GABRB2: variants seen among roughly 807,000 people sequenced by gnomAD.
GABRB2 encodes gamma-aminobutyric acid type A receptor subunit beta2, also known as gamma-aminobutyric acid receptor subunit beta-2.
A neutral mutation model predicts 54.7 loss-of-function variants in GABRB2; 16 were observed. That is an observed-to-expected ratio of 0.29 (90% CI 0.20 to 0.44). GABRB2 has a LOEUF of 0.44. GABRB2 is among the 20% of genes least tolerant of loss of function. The pLI is 1.00. For missense variants in GABRB2, 355 were observed against 644.0 expected, an observed-to-expected ratio of 0.55 and a Z score of 4.86; for synonymous variants, 244 against 233.8, an observed-to-expected ratio of 1.04 and a Z score of -0.40.
intron 5 of GABRB2, among the ~76,000 whole-genome samples, chr5:161,382,411 A>T (rs1488999919): frequency 6.6e-6 from 1 of 152,178 alleles, no homozygotes; most frequent in African/African-American, 2.4e-5. Context: ...TTATCCTCAG[A>T]TGCTTTCACG....
At chr5:161,375,263 T>C (rs569657677) in intron 5 of GABRB2, among the ~76,000 whole-genome samples, 2 of 152,272 alleles carry the variant, frequency 1.3e-5, no homozygotes, top group East Asian at 3.9e-4. Flanking sequence ...TTACAAAGAA[T>C]TGGCCAGGGG....
chr5:161,463,570 T>TATAG (rs1758189312), intron 3 of GABRB2, among the ~76,000 whole-genome samples: 1 of 101,490 alleles, frequency 9.9e-6, no homozygotes, highest in Non-Finnish European at 2.2e-5. Flanking sequence ...TATATATATA[T>TATAG]ATATATATAT....
intron 3 of GABRB2, among the ~76,000 whole-genome samples, chr5:161,486,429 GC>G (rs1315758173): frequency 1.3e-5 from 2 of 151,892 alleles, no homozygotes; most frequent in African/African-American, 4.8e-5. Flanking sequence ...CCTGGAAAAT[GC>G]GCACTGTAAG....
intron 9 of GABRB2, among the ~76,000 whole-genome samples, chr5:161,303,200 T>A (rs900392031): frequency 4.6e-5 from 7 of 152,172 alleles, no homozygotes; most frequent in Non-Finnish European, 7.4e-5. Context: ...TGTAAAACAA[T>A]AATTTAAACT....
At chr5:161,506,050 G>A (rs898904522) in intron 3 of GABRB2, among the ~76,000 whole-genome samples, 1 of 151,686 alleles carries the variant, frequency 6.6e-6, no homozygotes, top group Admixed American at 6.6e-5. Flanking sequence ...ATATATATAT[G>A]TATATATAAC....
chr5:161,345,710 C>T (rs1424065225), intron 5 of GABRB2, among the ~76,000 whole-genome samples: 1 of 152,088 alleles, frequency 6.6e-6, no homozygotes, highest in East Asian at 1.9e-4. Flanking sequence ...TTCCACAGCA[C>T]TCTAGTTGAA....
chr5:161,411,108 G>C, intron 4 of GABRB2, 51 bp from the exon 5 acceptor site: 1 of 1,391,130 alleles, frequency 7.2e-7, no homozygotes, highest in Non-Finnish European at 1.0e-6. Context: ...TAAGGCTGGA[G>C]CTGGAAATTT....
intron 5 of GABRB2, among the ~76,000 whole-genome samples, chr5:161,398,064 G>A (rs1756060379): frequency 6.6e-6 from 1 of 152,168 alleles, no homozygotes; most frequent in Admixed American, 6.5e-5. Flanking sequence ...GATAGACAGA[G>A]ACAGATAAAT....
chr5:161,326,907 T>G, intron 8 of GABRB2: 3 of 740,276 alleles, frequency 4.1e-6, no homozygotes, highest in Non-Finnish European at 4.9e-6. Context: ...TTCTCAAATA[T>G]GCGTGTTCTT....
intron 9 of GABRB2, among the ~76,000 whole-genome samples, chr5:161,301,401 A>T (rs933505875): frequency 6.6e-6 from 1 of 151,318 alleles, no homozygotes; most frequent in Non-Finnish European, 1.5e-5. Context: ...CACAAGAGAA[A>T]CCACTAAACT....
intron 4 of GABRB2, among the ~76,000 whole-genome samples, chr5:161,428,121 G>A (rs1757058746): frequency 6.6e-6 from 1 of 152,092 alleles, no homozygotes; most frequent in Admixed American, 6.6e-5. Flanking sequence ...GCCATCTCTT[G>A]AGAGAAACAC....
chr5:161,336,562 A>C, intron 6 of GABRB2, 70 bp downstream of exon 6: 1 of 1,545,008 alleles, frequency 6.5e-7, no homozygotes, highest in Admixed American at 1.8e-5. Flanking sequence ...CAGAACTCTA[A>C]TATAAGTGAA....
At chr5:161,341,570 C>T (rs1754156352) in intron 5 of GABRB2, among the ~76,000 whole-genome samples, 1 of 151,564 alleles carries the variant, frequency 6.6e-6, no homozygotes, top group South Asian at 2.1e-4. Flanking sequence ...TCAGGAAAAA[C>T]AAATATAAAA....
At chr5:161,464,549 T>G (rs964824669) in intron 3 of GABRB2, among the ~76,000 whole-genome samples, 2 of 152,084 alleles carry the variant, frequency 1.3e-5, no homozygotes, top group Non-Finnish European at 2.9e-5. Context: ...TATTATAATG[T>G]TAACATACAT....
intron 5 of GABRB2, among the ~76,000 whole-genome samples, chr5:161,378,641 A>G (rs1397719268): frequency 6.6e-6 from 1 of 152,178 alleles, no homozygotes; most frequent in Non-Finnish European, 1.5e-5. Flanking sequence ...GGGAATTTCT[A>G]AGAGTAGATA....
chr5:161,326,754 G>A (rs1758375706), intron 8 of GABRB2, among the ~76,000 whole-genome samples: 1 of 152,050 alleles, frequency 6.6e-6, no homozygotes, highest in African/African-American at 2.4e-5. Flanking sequence ...ACAACACAAA[G>A]AGTCACAGCA....
At chr5:161,383,545 A>AT (rs1243804677) in intron 5 of GABRB2, among the ~76,000 whole-genome samples, 1 of 152,130 alleles carries the variant, frequency 6.6e-6, no homozygotes, top group Non-Finnish European at 1.5e-5. Flanking sequence ...TTATTAATTG[A>AT]TTAAAATTAA....
intron 4 of GABRB2, among the ~76,000 whole-genome samples, chr5:161,431,064 A>T (rs1757159357): frequency 1.3e-5 from 2 of 152,156 alleles, no homozygotes; most frequent in South Asian, 4.1e-4. Context: ...AAGAGATGGG[A>T]TAACATTTGG....
chr5:161,475,927 C>T (rs926565912), intron 3 of GABRB2, among the ~76,000 whole-genome samples: 2 of 151,876 alleles, frequency 1.3e-5, no homozygotes, highest in Admixed American at 6.6e-5. Flanking sequence ...TTCTATTTAG[C>T]ACAGCCCTAG....
Sources: allele counts gnomAD v4.1 joint callset (sites outside exome capture counted in the v4.1 genomes callset), GRCh38; gene constraint gnomAD v4.1.1; transcripts MANE v1.5; gene names NCBI Gene and HGNC (gene_info 2026-07-23, HGNC 2026-07-21).